Variants in RBFOX3 observed in about 807,000 individuals in gnomAD.
RBFOX3 encodes the protein RNA binding protein fox-1 homolog 3.
A neutral mutation model predicts 48.7 loss-of-function variants in RBFOX3; 17 were observed. That is an observed-to-expected ratio of 0.35 (90% confidence interval 0.24 to 0.52). The LOEUF is 0.52. RBFOX3 is among the 20% of genes least tolerant of loss of function. The pLI is 0.94. For synonymous variants in RBFOX3, 212 were observed against 209.5 expected, an observed-to-expected ratio of 1.01 and a Z score of -0.10; for missense variants, 382 against 497.5, an observed-to-expected ratio of 0.77 and a Z score of 2.21.
chr17:79,662,777 T>C, the RBFOX3 span, among the ~76,000 whole-genome samples: 118 of 152,106 alleles, frequency 7.8e-4, no homozygotes, highest in Non-Finnish European at 1.5e-3. Flanking sequence ...TAGATTAACT[T>C]TGTGGCATGG....
intron 4 of RBFOX3, among the ~76,000 whole-genome samples, chr17:79,123,988 CAT>C (rs1162314835): frequency 2.6e-5 from 4 of 152,218 alleles, no homozygotes; most frequent in African/African-American, 9.6e-5. Flanking sequence ...AAGGTTCTCA[CAT>C]AGACTGCCCC....
chr17:79,455,356 G>A (rs982400589), intron 2 of RBFOX3, among the ~76,000 whole-genome samples: 2 of 152,164 alleles, frequency 1.3e-5, no homozygotes, highest in African/African-American at 2.4e-5. Context: ...ACCGCACCAC[G>A]CTTCTGCCCA....
intron 4 of RBFOX3, among the ~76,000 whole-genome samples, chr17:79,215,021 C>A (rs67775867): frequency 3.3e-5 from 5 of 152,064 alleles, no homozygotes; most frequent in African/African-American, 4.8e-5. Flanking sequence ...CAAGACCCAG[C>A]GGCTGCAGGG....
intron 2 of RBFOX3, among the ~76,000 whole-genome samples, chr17:79,431,428 C>T (rs2068431785): frequency 6.6e-6 from 1 of 152,118 alleles, no homozygotes; most frequent in Non-Finnish European, 1.5e-5. Context: ...ATTCTCCTGC[C>T]TCAGCCTCCT....
the RBFOX3 span, among the ~76,000 whole-genome samples, chr17:79,625,234 TG>T: frequency 2.0e-5 from 3 of 152,278 alleles, no homozygotes; most frequent in Admixed American, 6.5e-5. Flanking sequence ...TTGCCTTTTC[TG>T]GAGTTTATAT....
At chr17:79,333,750 C>T (rs758070016) in intron 2 of RBFOX3, among the ~76,000 whole-genome samples, 5 of 152,160 alleles carry the variant, frequency 3.3e-5, no homozygotes, top group Non-Finnish European at 5.9e-5. Context: ...AGGGCTGAGT[C>T]TCCCCCAGCT....
intron 2 of RBFOX3, among the ~76,000 whole-genome samples, chr17:79,395,094 T>C (rs1349146813): frequency 1.3e-5 from 2 of 152,212 alleles, no homozygotes; most frequent in African/African-American, 4.8e-5. Flanking sequence ...CGCAAAGCAG[T>C]GCTCTATCTG....
intron 1 of RBFOX3, among the ~76,000 whole-genome samples, chr17:79,597,505 G>A (rs1330496309): frequency 2.6e-5 from 4 of 152,326 alleles, no homozygotes; most frequent in Admixed American, 1.3e-4. Flanking sequence ...CAGCACCAGC[G>A]CTGGGGGGCA....
At position 79,379,642 on chromosome 17, in the gene RBFOX3, G is replaced by A. The variant is rs527772019; in HGVS notation, c.-174-71818C>T. Among the ~76,000 whole-genome samples the A allele has an allele frequency of 5.9e-5, 9 of 152,294 alleles. No homozygotes were observed. The East Asian group carries it at 7.7e-4, about 13-fold the overall frequency. ...CCTCTCAGGGGCCGGCGTTCCAGGCGGGAAGCTGGCTCCAGGGCTACACTG... is the reference window on the plus strand; with the variant it reads ...CCTCTCAGGGGCCGGCGTTCCAGGCAGGAAGCTGGCTCCAGGGCTACACTG... On this transcript the variant is annotated intron_variant, in intron 2 of 14. Coordinates refer to ENST00000693108, the MANE Select transcript of RBFOX3 (RefSeq NM_001350451.2).
chr17:79,103,026 C>A lies in RBFOX3; in HGVS notation c.507+136G>T. ...GCTGAGCACCCTGGCCTTAGTGCGA[C>A]CCTTCCTCCCACCCCAGGGAACCCT... is the stretch of plus-strand genomic sequence containing the variant. On this transcript the variant is annotated intron_variant, in intron 8 of 14. Coordinates refer to ENST00000693108, the MANE Select transcript of RBFOX3 (RefSeq NM_001350451.2). The surrounding 1 kb of genome is among the most constrained non-coding windows in gnomAD (Gnocchi z 6.1). The A allele has an allele frequency of 1.5e-6, 1 of 670,284 alleles. No individual in the cohort carries two copies. The allele number at this position is 670,284 out of a possible 1,614,324, so 41.5% of individuals were successfully genotyped here.
At chr17:79,261,154 TACAA>T (rs1205239217) in intron 3 of RBFOX3, among the ~76,000 whole-genome samples, 1 of 152,016 alleles carries the variant, frequency 6.6e-6, no homozygotes, top group Non-Finnish European at 1.5e-5. Context: ...TCGAGCCCCC[TACAA>T]ACATACTCAT....
the RBFOX3 span, among the ~76,000 whole-genome samples, chr17:79,663,191 GGTAGAAAT>G: frequency 6.6e-6 from 1 of 152,044 alleles, no homozygotes; most frequent in Non-Finnish European, 1.5e-5. Flanking sequence ...TTATGGCTTA[GGTAGAAAT>G]GCTATTTCTA....
At chr17:79,288,372 CA>C (rs1292650936) in intron 3 of RBFOX3, among the ~76,000 whole-genome samples, 6 of 152,184 alleles carry the variant, frequency 3.9e-5, no homozygotes, top group Admixed American at 1.3e-4. Flanking sequence ...TCTGTCTGCT[CA>C]AAGAAAGTCC....
intron 5 of RBFOX3, 116 bp from the exon 6 acceptor site, chr17:79,106,904 T>TC: frequency 2.3e-6 from 3 of 1,312,366 alleles, no homozygotes; most frequent in South Asian, 1.6e-5. Flanking sequence ...TCTGGGCCTC[T>TC]CCCCCATCCC....
chr17:79,522,203 C>G (rs1201926921), intron 1 of RBFOX3, among the ~76,000 whole-genome samples: 1 of 152,220 alleles, frequency 6.6e-6, no homozygotes, highest in Non-Finnish European at 1.5e-5. Context: ...CTTTGAGGAG[C>G]TGGTTCTCTG....
rs142911867 is a variant in RBFOX3, at chr17:79,278,926, T to C, written c.-74+28798A>G. On this transcript the variant is annotated intron_variant, in intron 3 of 14. Transcript: ENST00000693108. The stretch of plus-strand genomic sequence containing the variant: ...GCAGCCGGTTCTGGTTGAGCACTTT[T>C]GTGGGGCCAGCTGCCTCTGCCTCTG... Among the ~76,000 whole-genome samples, 88 of 151,980 alleles carry C rather than the reference T, an allele frequency of 5.8e-4. 1 individual carries two copies. Among genetic ancestry groups the C allele is most frequent in the African/African-American group, 2.0e-3 (83 of 41,424 alleles).
intron 1 of RBFOX3, among the ~76,000 whole-genome samples, chr17:79,489,767 T>A (rs2080219309): frequency 6.6e-6 from 1 of 152,204 alleles, no homozygotes; most frequent in Admixed American, 6.5e-5. Context: ...TCTCCCTGGG[T>A]GCCAGTGGTT....
chr17:79,526,707 C>T (rs1405986026), intron 1 of RBFOX3, among the ~76,000 whole-genome samples: 3 of 152,202 alleles, frequency 2.0e-5, no homozygotes, highest in African/African-American at 7.2e-5. Context: ...AATTCCGTTG[C>T]CCTGGCACAT....
chr17:79,408,764 C>T (rs892389717), intron 2 of RBFOX3, among the ~76,000 whole-genome samples: 6 of 152,188 alleles, frequency 3.9e-5, no homozygotes, highest in African/African-American at 1.4e-4. Flanking sequence ...GAGCTGATAA[C>T]ATCATCACCA....
Sources: gnomAD v4.1 joint callset for allele counts (sites outside exome capture counted in the v4.1 genomes callset) on GRCh38, gnomAD v4.1.1 for gene constraint, Gnocchi (gnomAD v3.1) non-coding constraint, MANE v1.5 for transcripts, NCBI Gene and HGNC (gene_info 2026-07-23, HGNC 2026-07-21) for gene names.